MAPKAP1: variants seen among roughly 807,000 people sequenced by gnomAD.
MAPKAP1 encodes the protein target of rapamycin complex 2 subunit MAPKAP1.
In MAPKAP1, 20 loss-of-function variants were observed where a neutral mutation model predicts 65.7. The ratio of observed to expected loss-of-function variants is 0.30; its 90% CI spans 0.21 to 0.44. The LOEUF is 0.44. Ranked by LOEUF, MAPKAP1 falls within the 20% of genes least tolerant of loss-of-function variation. MAPKAP1 has a pLI of 1.00. For missense variants in MAPKAP1, 423 were observed against 648.0 expected, an observed-to-expected ratio of 0.65 and a Z score of 3.77; for synonymous variants, 222 against 244.3, an observed-to-expected ratio of 0.91 and a Z score of 0.85.
intron 7 of MAPKAP1, among the ~76,000 whole-genome samples, chr9:125,541,893 G>GATAACC (rs1359173614): frequency 1.4e-4 from 22 of 152,370 alleles, no homozygotes; most frequent in African/African-American, 5.3e-4. Flanking sequence ...GGCATCCAGA[G>GATAACC]AGCTGGTTAT....
chr9:125,480,975 G>GAA (rs536367888), intron 9 of MAPKAP1, among the ~76,000 whole-genome samples: 17 of 108,654 alleles, frequency 1.6e-4, no homozygotes, highest in Non-Finnish European at 2.8e-4. Context: ...CCGTTTCGGG[G>GAA]AAAAAAAAAA....
rs1230364265 is a variant in MAPKAP1 at position 125,616,753 on chromosome 9, C to G, written c.499-31026G>C. Among the ~76,000 whole-genome samples, 3 of 152,148 alleles carry G rather than the reference C, an allele frequency of 2.0e-5. No homozygotes were observed. In the East Asian group the frequency reaches 5.8e-4, roughly 29 times the overall value. The stretch of plus-strand genomic sequence containing the variant: ...ACATGGGAATAACCACTTTGTAAGA[C>G]AGTTTGGCATTATCTATAAGCTGAA... On this transcript the variant is annotated intron_variant, in intron 4 of 11. Coordinates refer to ENST00000265960, the MANE Select transcript of MAPKAP1 (RefSeq NM_001006617.3).
At chr9:125,459,621 C>T (rs866453355) in intron 10 of MAPKAP1, among the ~76,000 whole-genome samples, 32 of 152,216 alleles carry the variant, frequency 2.1e-4, no homozygotes, top group Middle Eastern at 6.8e-3. Context: ...GAGACCAGCC[C>T]GGCCAACTCA....
intron 5 of MAPKAP1, among the ~76,000 whole-genome samples, chr9:125,577,913 C>A (rs1470686866): frequency 1.3e-5 from 2 of 151,640 alleles, no homozygotes; most frequent in African/African-American, 4.8e-5. Context: ...GCCCGGCCAC[C>A]ACCCCGTCTG....
chr9:125,527,407 C>T (rs1018982605), intron 7 of MAPKAP1, among the ~76,000 whole-genome samples: 3 of 152,168 alleles, frequency 2.0e-5, no homozygotes, highest in South Asian at 2.1e-4. Context: ...CTGTTAAGTC[C>T]TATGATGAAA....
chr9:125,659,131 C>G (rs1393066666), intron 3 of MAPKAP1, among the ~76,000 whole-genome samples: 1 of 152,154 alleles, frequency 6.6e-6, no homozygotes, highest in Non-Finnish European at 1.5e-5. Flanking sequence ...ATGGGAAGTA[C>G]TTTTCTACCT....
chr9:125,437,421 TATC>T lies in MAPKAP1; in HGVS notation c.*1463_*1465del, dbSNP rs1407504238. ...TGTATTTATATGACTTTTATTTTAA[TATC>T]ATTTTAATATCGAATATGTCACAAG... On this transcript the variant is annotated 3_prime_UTR_variant, in exon 12 of 12. Transcript: ENST00000265960. 5 of 152,480 alleles carry T rather than the reference TATC, an allele frequency of 3.3e-5. No homozygotes were observed. The highest frequency in any genetic ancestry group is 7.2e-5 in the African/African-American group (3 of 41,470). 9.4% of individuals were successfully genotyped at this position (152,480 alleles called of 1,614,324 possible). A position where few individuals can be genotyped will look rare whatever the true frequency, so the allele number is the denominator to read the frequency against.
chr9:125,688,804 T>C (rs769656410), intron 1 of MAPKAP1, among the ~76,000 whole-genome samples: 3 of 152,214 alleles, frequency 2.0e-5, no homozygotes, highest in Non-Finnish European at 4.4e-5. Context: ...TTATTCTTCA[T>C]GTTCTATAAA....
intron 1 of MAPKAP1, among the ~76,000 whole-genome samples, chr9:125,677,338 C>G (rs965950632): frequency 6.6e-6 from 1 of 152,144 alleles, no homozygotes; most frequent in African/African-American, 2.4e-5. Context: ...ACCTGGGAGG[C>G]AGAGGTGAGC....
intron 5 of MAPKAP1, among the ~76,000 whole-genome samples, chr9:125,581,107 C>T (rs761722386): frequency 6.6e-6 from 1 of 152,200 alleles, no homozygotes; most frequent in African/African-American, 2.4e-5. Context: ...CATTTACCTG[C>T]TGAAGGACAT....
chr9:125,664,724 C>CAAAAAAAAAAAAAAA (rs1199612669), intron 3 of MAPKAP1, among the ~76,000 whole-genome samples: 1 of 59,928 alleles, frequency 1.7e-5, no homozygotes, highest in Non-Finnish European at 3.2e-5. Context: ...GACTCACTCT[C>CAAAAAAAAAAAAAAA]AAAAAAAAAA....
intron 4 of MAPKAP1, among the ~76,000 whole-genome samples, chr9:125,593,755 G>T (rs1185343313): frequency 6.6e-6 from 1 of 152,198 alleles, no homozygotes; most frequent in East Asian, 1.9e-4. Flanking sequence ...ATCAGGAAAT[G>T]CCCCCAAGGC....
At chr9:125,624,818 G>T (rs1194089193) in intron 4 of MAPKAP1, among the ~76,000 whole-genome samples, 4 of 87,064 alleles carry the variant, frequency 4.6e-5, no homozygotes, top group African/African-American at 1.2e-4. Flanking sequence ...GTGGGGAAAA[G>T]ATTGAGAGAT....
At chr9:125,605,701 A>G (rs953259339) in intron 4 of MAPKAP1, among the ~76,000 whole-genome samples, 1 of 152,158 alleles carries the variant, frequency 6.6e-6, no homozygotes, top group African/African-American at 2.4e-5. Flanking sequence ...AGTCAGCTGG[A>G]ATTTGGCTCC....
chr9:125,453,632 A>G (rs1853047396), intron 10 of MAPKAP1, among the ~76,000 whole-genome samples: 1 of 152,188 alleles, frequency 6.6e-6, no homozygotes. Flanking sequence ...TCATTAATAA[A>G]CTTTTTTGTA....
chr9:125,522,362 T>C (rs1008486238), intron 7 of MAPKAP1, among the ~76,000 whole-genome samples: 2 of 152,354 alleles, frequency 1.3e-5, no homozygotes, highest in Non-Finnish European at 2.9e-5. Flanking sequence ...ACCCAATGAA[T>C]TAAATCAGTT....
intron 5 of MAPKAP1, among the ~76,000 whole-genome samples, chr9:125,581,238 T>C (rs1357871240): frequency 6.6e-6 from 1 of 152,264 alleles, no homozygotes; most frequent in Admixed American, 6.5e-5. Context: ...ATTGCTGGGT[T>C]GTATGGTAAA....
At chr9:125,569,966 A>C (rs1382810979) in intron 5 of MAPKAP1, among the ~76,000 whole-genome samples, 5 of 152,204 alleles carry the variant, frequency 3.3e-5, no homozygotes, top group Non-Finnish European at 7.4e-5. Context: ...ATGACTGATA[A>C]AAATGTTTAG....
At chr9:125,667,519 T>C (rs955126414) in intron 3 of MAPKAP1, among the ~76,000 whole-genome samples, 4 of 152,220 alleles carry the variant, frequency 2.6e-5, no homozygotes, top group Non-Finnish European at 4.4e-5. Flanking sequence ...GGTTTCGCCA[T>C]GTTGGCCAGG....
Sources: gnomAD v4.1 joint callset for allele counts (sites outside exome capture counted in the v4.1 genomes callset) on GRCh38, gnomAD v4.1.1 for gene constraint, MANE v1.5 for transcripts, NCBI Gene and HGNC (gene_info 2026-07-23, HGNC 2026-07-21) for gene names.